The following BTBD2 variants were observed in gnomAD, a reference collection of about 807,000 sequenced individuals.
The protein encoded by BTBD2 is BTB/POZ domain-containing protein 2.
BTBD2 carries 15 observed loss-of-function variants against 44.0 expected under a neutral mutation model. The ratio of observed to expected loss-of-function variants is 0.34; its 90% CI spans 0.23 to 0.53. The LOEUF (loss-of-function observed/expected upper bound fraction) is 0.53, where lower values mean the gene tolerates loss of function less well. Ranked by LOEUF, BTBD2 falls within the 20% of genes least tolerant of loss-of-function variation. BTBD2 has a pLI of 0.95. For synonymous variants in BTBD2, 443 were observed against 335.9 expected, an observed-to-expected ratio of 1.32 and a Z score of -3.49; for missense variants, 657 against 746.4, an observed-to-expected ratio of 0.88 and a Z score of 1.39.
intron 1 of BTBD2, among the ~76,000 whole-genome samples, chr19:2,009,179 C>T (rs1599360641): frequency 1.4e-5 from 2 of 141,266 alleles, no homozygotes; most frequent in Non-Finnish European, 1.5e-5. Context: ...CCACCACGCC[C>T]GGCTAATTTT....
chr19:2,002,438 T>C (rs1318025464), intron 1 of BTBD2: 1 of 152,250 alleles, frequency 6.6e-6, no homozygotes, highest in Non-Finnish European at 1.5e-5. Flanking sequence ...GATGTGGGAC[T>C]CCTGATTTTA....
chr19:1,989,027 C>T (rs1009968757), intron 5 of BTBD2, among the ~76,000 whole-genome samples: 2 of 152,218 alleles, frequency 1.3e-5, no homozygotes, highest in African/African-American at 2.4e-5. Flanking sequence ...ATTCTCCTGC[C>T]TCAGCCTCCC....
At chr19:2,013,797 G>T in intron 1 of BTBD2, 1 of 465,114 alleles carries the variant, frequency 2.2e-6, no homozygotes, top group Non-Finnish European at 2.8e-6. Flanking sequence ...GGGGGTCACT[G>T]GGTCTGGAGG....
intron 3 of BTBD2, 77 bp from the exon 4 acceptor site, chr19:1,990,899 G>A (rs1172318884): frequency 1.5e-6 from 2 of 1,317,710 alleles, no homozygotes; most frequent in Non-Finnish European, 2.1e-6. Flanking sequence ...TGCGGGGCCG[G>A]TTCAAATGCA....
chr19:1,991,163 C>T (rs540013293), intron 3 of BTBD2: 258 of 225,252 alleles, frequency 1.1e-3, no homozygotes, highest in African/African-American at 5.4e-3. Flanking sequence ...CCCAGGACCC[C>T]GAGTGGCAGG....
At chr19:2,007,107 C>T (rs953069616) in intron 1 of BTBD2, among the ~76,000 whole-genome samples, 1 of 152,130 alleles carries the variant, frequency 6.6e-6, no homozygotes, top group Admixed American at 6.6e-5. Flanking sequence ...CCACCTGCCT[C>T]GGCCTCCCAA....
At chr19:2,006,686 ATTAAG>A (rs2016398901) in intron 1 of BTBD2, among the ~76,000 whole-genome samples, 1 of 151,648 alleles carries the variant, frequency 6.6e-6, no homozygotes, top group South Asian at 2.1e-4. Flanking sequence ...GTTTTTGTAA[ATTAAG>A]TTTTTTTTTT....
chr19:2,015,411 G>C lies in BTBD2; in HGVS notation c.293C>G (p.Ala98Gly). 6.5e-7 allele frequency: 1 copy of C among 1,546,510 alleles called. No homozygotes were observed. Among genetic ancestry groups the C allele is most frequent in the Non-Finnish European group, 8.7e-7 (1 of 1,154,992 alleles). The change falls in exon 1 of 9, where the codon GCC becomes GGC. Residue 98 changes from alanine (A) to glycine (G), a missense_variant. By Grantham distance (60) the Ala-to-Gly change is moderately conservative. This residue lies in a region of BTBD2 where 191 missense variants were observed against 188.5 expected (regional missense o/e 1.01). Transcript: ENST00000255608. The part of the protein sequence containing the change: ...LQREAAYNWQ[A>G]SKPTVQERFA... ...GCGCTCCTGCACGGTGGGCTTGCTGGCCTGCCAGTTGTACGCGGCCTCGCG... is the reference window on the plus strand; with the variant it reads ...GCGCTCCTGCACGGTGGGCTTGCTGCCCTGCCAGTTGTACGCGGCCTCGCG...
chr19:1,990,341 G>T, intron 4 of BTBD2, 140 bp from the exon 5 acceptor site: 1 of 872,714 alleles, frequency 1.1e-6, no homozygotes, highest in Non-Finnish European at 1.8e-6. Context: ...CCCTGTGAGT[G>T]TGTTTATAAA....
intron 1 of BTBD2, among the ~76,000 whole-genome samples, chr19:2,013,345 G>A (rs1202454905): frequency 6.6e-6 from 1 of 152,140 alleles, no homozygotes; most frequent in East Asian, 1.9e-4. Flanking sequence ...CCCGCACACT[G>A]GCAAAGACAG....
intron 1 of BTBD2, among the ~76,000 whole-genome samples, chr19:1,999,383 C>A (rs1051826340): frequency 7.2e-5 from 11 of 152,184 alleles, no homozygotes; most frequent in Non-Finnish European, 1.5e-4. Context: ...GGAGGAGAAA[C>A]AGGCCGGGCA....
At chr19:1,988,979 C>T (rs1038766827) in intron 5 of BTBD2, among the ~76,000 whole-genome samples, 1 of 152,152 alleles carries the variant, frequency 6.6e-6, no homozygotes, top group Non-Finnish European at 1.5e-5. Context: ...GTGGCGCGAT[C>T]TCGGCTCATC....
rs182942269 is a variant in BTBD2, at chr19:2,002,372, T to G, written c.408-4909A>C. Among the ~76,000 whole-genome samples, 27 of 151,898 alleles carry G rather than the reference T, an allele frequency of 1.8e-4. No individual in the cohort carries two copies. The East Asian group carries it at 5.0e-3, about 28-fold the overall frequency. ...CTGTGATTACAGGCAAACTGATAAC[T>G]GTATTTCTCGAAGTTCTGTAAGCTG... On this transcript the variant is annotated intron_variant, in intron 1 of 8. Coordinates refer to ENST00000255608, the MANE Select transcript of BTBD2 (RefSeq NM_017797.4).
At chr19:2,000,767 CA>C (rs1242700569) in intron 1 of BTBD2, among the ~76,000 whole-genome samples, 2 of 152,206 alleles carry the variant, frequency 1.3e-5, no homozygotes, top group East Asian at 3.8e-4. Flanking sequence ...GCACGATTCC[CA>C]ACTCCGAACG....
At chr19:2,008,292 C>A (rs2016419680) in intron 1 of BTBD2, among the ~76,000 whole-genome samples, 1 of 140,970 alleles carries the variant, frequency 7.1e-6, no homozygotes, top group Non-Finnish European at 1.5e-5. Context: ...GGGTGAGCCA[C>A]TGCGCCCACT....
chr19:1,995,631 C>T (rs2016240986), intron 2 of BTBD2, among the ~76,000 whole-genome samples: 1 of 144,430 alleles, frequency 6.9e-6, no homozygotes, highest in Non-Finnish European at 1.5e-5. Context: ...ACATTTTGGA[C>T]TTTGATCTAT....
intron 1 of BTBD2, among the ~76,000 whole-genome samples, chr19:1,999,700 C>T (rs2016300930): frequency 6.6e-6 from 1 of 151,640 alleles, no homozygotes; most frequent in African/African-American, 2.4e-5. Context: ...GTGGCTCACG[C>T]CTGTAATCCC....
chr19:1,987,139 C>T, intron 7 of BTBD2, 27 bp downstream of exon 7: 6 of 1,610,072 alleles, frequency 3.7e-6, no homozygotes, highest in African/African-American at 1.3e-5. Context: ...CTGAGTGGGG[C>T]CTGGGGATGA....
At chr19:1,986,699 C>A in intron 8 of BTBD2, 50 bp from the exon 9 acceptor site, 1 of 1,601,482 alleles carries the variant, frequency 6.2e-7, no homozygotes, top group Non-Finnish European at 8.5e-7. Flanking sequence ...GGCTGGGATG[C>A]CCCAGGTGTG....
Sources: allele counts gnomAD v4.1 joint callset (sites outside exome capture counted in the v4.1 genomes callset), GRCh38; gene constraint gnomAD v4.1.1; regional missense constraint gnomAD v4.1.1; transcripts MANE v1.5; gene names NCBI Gene and HGNC (gene_info 2026-07-23, HGNC 2026-07-21).